CC2D1B: variants seen among roughly 807,000 people sequenced by gnomAD.
The protein encoded by CC2D1B is coiled-coil and C2 domain-containing protein 1B.
In CC2D1B, 92 loss-of-function variants were observed where a neutral mutation model predicts 110.8. That is an observed-to-expected ratio of 0.83 (90% confidence interval 0.70 to 0.99). The LOEUF is 0.99. Among genes scored for constraint, CC2D1B ranks in the 50% least tolerant of loss-of-function variants. The probability of loss-of-function intolerance (pLI) is 0.00; values close to 1 mark genes in which losing one functional copy is unlikely to be tolerated. For missense variants in CC2D1B, 1,136 were observed against 1,089.0 expected, an observed-to-expected ratio of 1.04 and a Z score of -0.61; for synonymous variants, 406 against 429.2, an observed-to-expected ratio of 0.95 and a Z score of 0.67.
Position 52,354,696 on chromosome 1 carries a change from G to A in CC2D1B, c.2342C>T (p.Ser781Phe). 1 of 1,614,196 alleles carries A rather than the reference G, an allele frequency of 6.2e-7. No individual in the cohort carries two copies. Among genetic ancestry groups the A allele is most frequent in the Non-Finnish European group, 8.5e-7 (1 of 1,180,020 alleles). The change falls in exon 23 of 25, where the codon TCC (serine) becomes TTC (phenylalanine). Residue 781 changes from serine to phenylalanine, a missense_variant and splice_region_variant. By Grantham distance (155) the Ser-to-Phe change is radical (BLOSUM62 -2). Transcript: ENST00000284376. ...AACCAGCTTGTCGCTTCTGAAGAAG[G>A]ACCTGGGGAGTCAAGAGGCAGCAGA... ...GIKFEIFHKG[S>F]FFRSDKLVGT...
intron 6 of CC2D1B, 78 bp from the exon 7 acceptor site, chr1:52,360,311 C>T: frequency 6.3e-7 from 1 of 1,595,518 alleles, no homozygotes; most frequent in Non-Finnish European, 8.5e-7. Flanking sequence ...CAGGGGTGGC[C>T]CCCCAACCCC....
At chr1:52,360,950 C>T in intron 5 of CC2D1B, 24 bp downstream of exon 5, 1 of 1,613,132 alleles carries the variant, frequency 6.2e-7, no homozygotes, top group Non-Finnish European at 8.5e-7. Context: ...ATCAGAGGCA[C>T]AGGGGCCCTC....
Position 52,357,054 on chromosome 1 carries a change from T to C in CC2D1B, c.1825A>G (p.Lys609Glu), listed in dbSNP as rs568038157. 8.1e-6 allele frequency: 13 copies of C among 1,605,056 alleles called. No homozygotes were observed. The highest frequency in any genetic ancestry group is 1.7e-4 in the Middle Eastern group (1 of 6,050). ...AGCTGGGCATACACCTCCTCCGCCT[T>C]CTGGGAGAGTCGCAGGTCCTCATGG... The part of the protein sequence containing the change: ...IHHEDLRLSQ[K>E]AEEVYAQLQK... The change falls in exon 16 of 25, where the codon AAG (lysine) becomes GAG (glutamate). Residue 609 changes from lysine (K) to glutamate (E), a missense_variant. Transcript: ENST00000284376.
At chr1:52,358,831 T>C in intron 11 of CC2D1B, 73 bp from the exon 12 acceptor site, 17 of 1,502,762 alleles carry the variant, frequency 1.1e-5, no homozygotes, top group Non-Finnish European at 1.3e-5. Flanking sequence ...TGACACACAG[T>C]GGGGCAAGGA....
rs377744839 is a variant in CC2D1B at position 52,353,542 on chromosome 1, C to G, written c.2536G>C (p.Val846Leu). 1.4e-5 allele frequency: 23 copies of G among 1,613,666 alleles called. No individual in the cohort carries two copies. In the African/African-American group the frequency reaches 1.7e-4, roughly 12 times the overall value. The change falls in exon 24 of 25, where the codon GTT (valine) becomes CTT (leucine). Residue 846 changes from valine to leucine, a missense_variant. Transcript: ENST00000284376. ...CCTCACAAGCCCCTGGGCTCCAGAA[C>G]CAGCCAGTTCTCAGTGACCATCTGC... ...DVQMVTENWL[V>L]LEPRGL
chr1:52,362,173 T>C (rs955568594), intron 3 of CC2D1B, among the ~76,000 whole-genome samples: 2 of 151,974 alleles, frequency 1.3e-5, no homozygotes, highest in Non-Finnish European at 2.9e-5. Context: ...TCTCTGAGGG[T>C]TCCCGGTGAA....
chr1:52,357,462 T>C, intron 15 of CC2D1B, 64 bp downstream of exon 15: 2 of 1,497,794 alleles, frequency 1.3e-6, no homozygotes, highest in East Asian at 2.5e-5. Context: ...GTTCACAGCC[T>C]GTCAAGCCTG....
At position 52,359,505 on chromosome 1, in the gene CC2D1B, C is replaced by T. The variant is rs1646731788; in HGVS notation, c.972G>A (p.Glu324=). 6.2e-7 allele frequency: 1 copy of T among 1,613,978 alleles called. No homozygotes were observed. The highest frequency in any genetic ancestry group is 8.5e-7 in the Non-Finnish European group (1 of 1,180,042). Residue 324 remains glutamate, a synonymous_variant, in exon 9 of 25, where the codon GAG becomes GAA. Transcript: ENST00000284376. ...CACTCAGATCCACGGGCTGCCCCTTCTCCAGGGCCTCCAGGACAGCACCGA... is the reference window on the plus strand; with the variant it reads ...CACTCAGATCCACGGGCTGCCCCTTTTCCAGGGCCTCCAGGACAGCACCGA... ...KRFGAVLEAL[E]KGQPVDLSAM...
At position 52,357,026 on chromosome 1, in the gene CC2D1B, T is replaced by G; in HGVS notation, c.1853A>C (p.Gln618Pro). 6 of 1,569,552 alleles carry G rather than the reference T, an allele frequency of 3.8e-6. No individual in the cohort carries two copies. Among genetic ancestry groups the G allele is most frequent in the Non-Finnish European group, 5.2e-6 (6 of 1,156,666 alleles). Residue 618 changes from glutamine (Q) to proline (P), a missense_variant, in exon 16 of 25, where the codon CAA becomes CCA. Physicochemically the swap from Gln to Pro is moderately conservative, Grantham distance 76. Transcript: ENST00000284376. ...QKAEEVYAQL[Q>P]KMLLEQQEKC... Reference sequence around the variant, plus strand: ...CTCTTGTTGCTCCAGAAGCATTTTTTGCAGCTGGGCATACACCTCCTCCGC... The same window carrying G: ...CTCTTGTTGCTCCAGAAGCATTTTTGGCAGCTGGGCATACACCTCCTCCGC...
Position 52,355,575 on chromosome 1 carries a change from T to C in CC2D1B, c.2187+33A>G, listed in dbSNP as rs562987893. 6.3e-5 allele frequency: 102 copies of C among 1,613,394 alleles called. 2 individuals are homozygous for C. The South Asian group carries it at 1.1e-3, about 17-fold the overall frequency. On this transcript the variant is annotated intron_variant, in intron 20 of 24. Coordinates refer to ENST00000284376, the MANE Select transcript of CC2D1B (RefSeq NM_001330585.2). The stretch of plus-strand genomic sequence containing the variant: ...ACAGGGTCCTGGAATGCAAGGCGGG[T>C]TTCAGAGGATCCTACTTCTACCTGA...
rs763800148 is a variant in CC2D1B at position 52,358,362 on chromosome 1, T to A, written c.1430A>T (p.Asp477Val). The change falls in exon 13 of 25, where the codon GAT becomes GTT. Residue 477 changes from aspartate to valine, a missense_variant. By Grantham distance (152) the Asp-to-Val change is radical. Transcript: ENST00000284376. ...CTCGTCTTTATCAGCCGGGGCTGAA[T>A]CCTCTGCAGAGGCCAGTTTCTCTGC... The part of the protein sequence containing the change: ...AAAEKLASAE[D>V]SAPADKDEDE... 1.2e-6 allele frequency: 2 copies of A among 1,614,164 alleles called. No individual in the cohort carries two copies. The highest frequency in any genetic ancestry group is 2.7e-5 in the African/African-American group (2 of 75,048).
chr1:52,352,496 G>C lies in CC2D1B; in HGVS notation c.*729C>G, dbSNP rs1372237748. On this transcript the variant is annotated 3_prime_UTR_variant, in exon 25 of 25. Transcript: ENST00000284376. ...TAGTTGAGTATAAAATCCCTACAAT[G>C]AGTTAGACTTAGTTTCCTAGATAAA... 2 of 152,592 alleles carry C rather than the reference G, an allele frequency of 1.3e-5. No homozygotes were observed. Among genetic ancestry groups the C allele is most frequent in the Non-Finnish European group, 2.9e-5 (2 of 68,030 alleles). The allele number at this position is 152,592 out of a possible 1,614,324, so 9.5% of individuals were successfully genotyped here.
chr1:52,355,031 A>C (rs1281512295), intron 21 of CC2D1B, 92 bp from the exon 22 acceptor site: 2 of 1,016,222 alleles, frequency 2.0e-6, no homozygotes. Context: ...GCCTTCCCCC[A>C]ATCTCTCCAC....
At chr1:52,363,994 T>C (rs1646836654) in intron 2 of CC2D1B, among the ~76,000 whole-genome samples, 1 of 152,234 alleles carries the variant, frequency 6.6e-6, no homozygotes, top group African/African-American at 2.4e-5. Flanking sequence ...ATTCTGTTTT[T>C]ATCCCAATGT....
At chr1:52,360,781 A>G in intron 5 of CC2D1B, 193 bp downstream of exon 5, 1 of 890,566 alleles carries the variant, frequency 1.1e-6, no homozygotes, top group Non-Finnish European at 1.7e-6. Flanking sequence ...GGGGTAGTCT[A>G]GGAGAACAGA....
At chr1:52,363,168 G>T (rs1157290190) in intron 2 of CC2D1B, among the ~76,000 whole-genome samples, 1 of 152,194 alleles carries the variant, frequency 6.6e-6, no homozygotes, top group Non-Finnish European at 1.5e-5. Flanking sequence ...GCCGAGGCGG[G>T]TGGATCACGA....
Position 52,366,182 on chromosome 1 carries a change from T to A in CC2D1B, c.-128A>T, listed in dbSNP as rs1569882175. 1 of 152,238 alleles carries A rather than the reference T, an allele frequency of 6.6e-6. No individual in the cohort carries two copies. Among genetic ancestry groups the A allele is most frequent in the East Asian group, 1.9e-4 (1 of 5,138 alleles). 9.4% of individuals were successfully genotyped at this position (152,238 alleles called of 1,614,324 possible). A position where few individuals can be genotyped will look rare whatever the true frequency, so the allele number is the denominator to read the frequency against. On this transcript the variant is annotated 5_prime_UTR_variant, in exon 1 of 25. Coordinates refer to ENST00000284376, the MANE Select transcript of CC2D1B (RefSeq NM_001330585.2). The stretch of plus-strand genomic sequence containing the variant: ...AGGAAGCGCCAGCAGGGGAGGTGGC[T>A]CGCGCGCAACACGTGACCCCACTGG...
chr1:52,360,858 G>C, intron 5 of CC2D1B, 116 bp downstream of exon 5: 4 of 1,308,958 alleles, frequency 3.1e-6, no homozygotes, highest in Admixed American at 2.0e-5. Context: ...GGCGGCTGCT[G>C]GGGGAGGGTC....
intron 2 of CC2D1B, among the ~76,000 whole-genome samples, chr1:52,363,779 T>G (rs930464578): frequency 6.6e-6 from 1 of 151,692 alleles, no homozygotes; most frequent in East Asian, 2.0e-4. Context: ...CTCCCGGGTC[T>G]AAGCGATTCT....
Sources: allele counts gnomAD v4.1 joint callset (sites outside exome capture counted in the v4.1 genomes callset), GRCh38; gene constraint gnomAD v4.1.1; transcripts MANE v1.5; gene names NCBI Gene and HGNC (gene_info 2026-07-23, HGNC 2026-07-21).